IMMP2L: variants seen among roughly 807,000 people sequenced by gnomAD.
The protein encoded by IMMP2L is inner mitochondrial membrane peptidase subunit 2.
IMMP2L carries 18 observed loss-of-function variants against 19.3 expected under a neutral mutation model. The ratio of observed to expected loss-of-function variants is 0.93; its 90% CI spans 0.64 to 1.38. IMMP2L has a LOEUF of 1.38. Ranked by LOEUF, IMMP2L falls within the 40% of genes most tolerant of loss-of-function variation. The probability of loss-of-function intolerance (pLI) is 0.00; values close to 1 mark genes in which losing one functional copy is unlikely to be tolerated. For synonymous variants in IMMP2L, 76 were observed against 73.0 expected, an observed-to-expected ratio of 1.04 and a Z score of -0.21; for missense variants, 233 against 218.2, an observed-to-expected ratio of 1.07 and a Z score of -0.43.
chr7:111,529,148 G>C (rs1418239024), intron 1 of IMMP2L, among the ~76,000 whole-genome samples: 1 of 152,116 alleles, frequency 6.6e-6, no homozygotes, highest in African/African-American at 2.4e-5. Flanking sequence ...AGAGGGACCT[G>C]TGACAAGGTC....
chr7:110,876,426 T>A (rs1007736346), intron 5 of IMMP2L, among the ~76,000 whole-genome samples: 3 of 152,118 alleles, frequency 2.0e-5, no homozygotes, highest in African/African-American at 7.2e-5. Flanking sequence ...CAAGACTGGA[T>A]TGCCACTCCC....
chr7:111,516,463 A>G (rs535976246), intron 2 of IMMP2L, among the ~76,000 whole-genome samples: 4 of 152,250 alleles, frequency 2.6e-5, no homozygotes, highest in African/African-American at 9.6e-5. Context: ...TAGAGAAGCC[A>G]TAGGAGTTCT....
chr7:110,688,825 TTCTCTC>T (rs899184035), intron 5 of IMMP2L, among the ~76,000 whole-genome samples: 1 of 152,124 alleles, frequency 6.6e-6, no homozygotes, highest in Non-Finnish European at 1.5e-5. Context: ...TATTTGTCCT[TTCTCTC>T]TGTCTCTCTC....
chr7:110,667,031 C>T (rs1012789227), intron 5 of IMMP2L, among the ~76,000 whole-genome samples: 1 of 152,140 alleles, frequency 6.6e-6, no homozygotes, highest in Non-Finnish European at 1.5e-5. Context: ...GCCACCACGC[C>T]CAGCTAATTT....
chr7:111,503,661 T>G lies in IMMP2L; in HGVS notation c.136-16320A>C, dbSNP rs184179115. 4.5e-3 allele frequency among the ~76,000 whole-genome samples: 691 copies of G among 152,202 alleles called. 22 individuals are homozygous for G. Among genetic ancestry groups the G allele is most frequent in the Admixed American group, 0.04 (604 of 15,278 alleles). ...TTCATCCCTGGGATGAAAGGCTAGT[T>G]CAACATACACAAATCAATAAATGTA... On this transcript the variant is annotated intron_variant, in intron 2 of 5. Transcript: ENST00000405709.
chr7:110,801,200 T>C (rs1753604412), intron 5 of IMMP2L, among the ~76,000 whole-genome samples: 1 of 152,066 alleles, frequency 6.6e-6, no homozygotes, highest in African/African-American at 2.4e-5. Flanking sequence ...AAACTACTCA[T>C]ATGCTCTAAT....
intron 3 of IMMP2L, among the ~76,000 whole-genome samples, chr7:110,998,200 C>T (rs77420714): frequency 0.089 from 13,559 of 152,192 alleles, 830 homozygotes; most frequent in Non-Finnish European, 0.13. Context: ...CCTTCTACTT[C>T]TCAAACCCAG....
intron 3 of IMMP2L, among the ~76,000 whole-genome samples, chr7:111,099,442 C>T (rs1797739285): frequency 6.6e-6 from 1 of 151,690 alleles, no homozygotes. Flanking sequence ...CTGTAATTTG[C>T]TTTTCAAACT....
intron 3 of IMMP2L, among the ~76,000 whole-genome samples, chr7:111,371,198 G>A (rs1031081671): frequency 6.6e-6 from 1 of 151,766 alleles, no homozygotes; most frequent in Non-Finnish European, 1.5e-5. Context: ...TTCCATGCTT[G>A]GACTCTTCTT....
rs188440237 is a variant in IMMP2L at position 110,855,136 on chromosome 7, G to T, written c.408+31457C>A. The stretch of plus-strand genomic sequence containing the variant: ...AAAAAGACAGACCCAGGGCTGTGAA[G>T]AATCAAGGGAAAAGAAAATATATGG... On this transcript the variant is annotated intron_variant, in intron 5 of 5. Coordinates refer to ENST00000405709, the MANE Select transcript of IMMP2L (RefSeq NM_032549.4). Among the ~76,000 whole-genome samples, 44 of 151,912 alleles carry T rather than the reference G, an allele frequency of 2.9e-4. 1 individual carries two copies. In the East Asian group the frequency reaches 5.2e-3, roughly 18 times the overall value.
At chr7:111,068,302 G>A (rs60682653) in intron 3 of IMMP2L, among the ~76,000 whole-genome samples, 19,268 of 152,050 alleles carry the variant, frequency 0.13, 1,744 homozygotes, top group African/African-American at 0.25. Flanking sequence ...TTTTCATTGT[G>A]AGAAATAAAT....
At chr7:111,318,168 TAA>T (rs1296191142) in intron 3 of IMMP2L, among the ~76,000 whole-genome samples, 1 of 152,156 alleles carries the variant, frequency 6.6e-6, no homozygotes, top group African/African-American at 2.4e-5. Flanking sequence ...TCTAAAAAGT[TAA>T]AGAGTGAAGG....
intron 3 of IMMP2L, among the ~76,000 whole-genome samples, chr7:111,136,576 TTCAAG>T (rs2129596123): frequency 6.6e-6 from 1 of 152,314 alleles, no homozygotes; most frequent in Admixed American, 6.5e-5. Context: ...CTGGATATGA[TTCAAG>T]TCATTAAAGT....
At chr7:110,989,587 T>C (rs17158224) in intron 3 of IMMP2L, among the ~76,000 whole-genome samples, 13,096 of 150,060 alleles carry the variant, frequency 0.087, 812 homozygotes, top group East Asian at 0.2. Context: ...ATTGGTAGTA[T>C]AGGTTAATTT....
intron 5 of IMMP2L, chr7:110,725,811 C>T (rs145429111): frequency 5.3e-5 from 8 of 152,264 alleles, no homozygotes; most frequent in East Asian, 3.9e-4. Flanking sequence ...TCACAAACTA[C>T]GTAATATTTA....
At chr7:110,954,795 C>T (rs539932346) in intron 4 of IMMP2L, among the ~76,000 whole-genome samples, 1 of 152,026 alleles carries the variant, frequency 6.6e-6, no homozygotes, top group African/African-American at 2.4e-5. Flanking sequence ...AAGATGAACT[C>T]TATTCACGAG....
At chr7:111,135,445 T>C (rs1405841788) in intron 3 of IMMP2L, among the ~76,000 whole-genome samples, 2 of 152,162 alleles carry the variant, frequency 1.3e-5, no homozygotes, top group Non-Finnish European at 2.9e-5. Context: ...GTGAGCACTG[T>C]GACAGAGCTG....
intron 3 of IMMP2L, among the ~76,000 whole-genome samples, chr7:111,140,082 G>A (rs1802728247): frequency 6.6e-6 from 1 of 151,968 alleles, no homozygotes. Flanking sequence ...TCAAATTAAG[G>A]AAACCAACTA....
chr7:110,762,147 T>A (rs942172252), intron 5 of IMMP2L, among the ~76,000 whole-genome samples: 1 of 152,140 alleles, frequency 6.6e-6, no homozygotes, highest in Admixed American at 6.6e-5. Context: ...TACATTTGCC[T>A]CCTAATGTAT....
Sources: gnomAD v4.1 joint callset for allele counts (sites outside exome capture counted in the v4.1 genomes callset) on GRCh38, gnomAD v4.1.1 for gene constraint, MANE v1.5 for transcripts, NCBI Gene and HGNC (gene_info 2026-07-23, HGNC 2026-07-21) for gene names.